The following HGSNAT variants were observed in gnomAD, a reference collection of about 807,000 sequenced individuals.
HGSNAT encodes transmembrane protein 76.
In HGSNAT, 59 loss-of-function variants were observed where a neutral mutation model predicts 85.2. The ratio of observed to expected loss-of-function variants is 0.69; its 90% CI spans 0.56 to 0.86. The LOEUF (loss-of-function observed/expected upper bound fraction) is 0.86, where lower values mean the gene tolerates loss of function less well. HGSNAT is among the 40% of genes least tolerant of loss of function. The pLI, the probability that HGSNAT is intolerant of heterozygous loss-of-function variation, is 0.00. For missense variants in HGSNAT, 756 were observed against 777.1 expected (o/e 0.97, Z 0.32); for synonymous variants, 321 against 304.5 (o/e 1.05, Z -0.56).
intron 5 of HGSNAT, chr8:43,168,135 G>A (rs1453064714): frequency 1.3e-5 from 2 of 159,546 alleles, no homozygotes; most frequent in Non-Finnish European, 2.8e-5. Flanking sequence ...TAGCCAGGAT[G>A]GTCTTGATCT....
intron 11 of HGSNAT, among the ~76,000 whole-genome samples, chr8:43,189,421 G>A (rs1804445789): frequency 6.6e-6 from 1 of 152,164 alleles, no homozygotes; most frequent in Admixed American, 6.5e-5. Flanking sequence ...TGTGGGCGTG[G>A]GACCCTCCGA....
In HGSNAT at chr8:43,171,466, T is replaced by C. The variant is rs1164128936; in HGVS notation, c.743+772T>C. On this transcript the variant is annotated intron_variant, in intron 7 of 17. Transcript: ENST00000379644. ...TAGTAATCCTATGAGATATATACTTTTAATGTGCCTGATTCACATTAAAAG... is the reference window on the plus strand; with the variant it reads ...TAGTAATCCTATGAGATATATACTTCTAATGTGCCTGATTCACATTAAAAG... 2.6e-5 allele frequency among the ~76,000 whole-genome samples: 4 copies of C among 152,346 alleles called. 1 individual carries two copies. The South Asian group carries it at 6.2e-4, about 24-fold the overall frequency.
intron 1 of HGSNAT, among the ~76,000 whole-genome samples, chr8:43,145,946 A>C (rs1242902324): frequency 2.0e-5 from 3 of 152,170 alleles, no homozygotes; most frequent in Non-Finnish European, 4.4e-5. Flanking sequence ...GGATAAATTA[A>C]CTTCTCTTTT....
At position 43,175,580 on chromosome 8, in the gene HGSNAT, T is replaced by C. The variant is rs893446721; in HGVS notation, c.851+1837T>C. ...CTCTTTTTTTTTTTTTTTTTTTTTT[T>C]TTCAAGATGAAGTCTTGCTCTGTAG... On this transcript the variant is annotated intron_variant, in intron 9 of 17. Coordinates refer to ENST00000379644, the MANE Select transcript of HGSNAT (RefSeq NM_152419.3). 4.1e-3 allele frequency among the ~76,000 whole-genome samples: 607 copies of C among 148,290 alleles called. 8 individuals carry two copies. The highest frequency in any genetic ancestry group is 0.014 in the African/African-American group (580 of 40,048).
intron 17 of HGSNAT, among the ~76,000 whole-genome samples, chr8:43,198,439 C>T (rs1422636653): frequency 1.3e-5 from 2 of 151,946 alleles, no homozygotes; most frequent in Non-Finnish European, 2.9e-5. Context: ...AGGCGCCCGC[C>T]ACCACGCCCA....
At position 43,147,059 on chromosome 8, in the gene HGSNAT, A is replaced by G; in HGVS notation, c.230A>G (p.Tyr77Cys). 6.3e-7 allele frequency: 1 copy of G among 1,575,098 alleles called. No individual in the cohort carries two copies. Among genetic ancestry groups the G allele is most frequent in the Non-Finnish European group, 8.7e-7 (1 of 1,151,842 alleles). ...LTVYWKSECCYHCLFQVLVNV... is the reference protein window; with the variant it reads ...LTVYWKSECCCHCLFQVLVNV... ...GTCTACTGGAAATCTGAATGCTGTTATCACGTATGTATCAGTTCACACTCA... is the reference window on the plus strand; with the variant it reads ...GTCTACTGGAAATCTGAATGCTGTTGTCACGTATGTATCAGTTCACACTCA... The change falls in exon 2 of 18, where the codon TAT becomes TGT. Residue 77 changes from tyrosine to cysteine, a missense_variant. Physicochemically the swap from Tyr to Cys is radical, Grantham distance 194. Transcript: ENST00000379644.
chr8:43,198,014 T>A, intron 17 of HGSNAT, 62 bp downstream of exon 17: 2 of 1,187,082 alleles, frequency 1.7e-6, no homozygotes, highest in Non-Finnish European at 2.5e-6. Flanking sequence ...CCCAGGGACC[T>A]CTGGAGCATC....
chr8:43,158,226 G>A (rs182652821), intron 2 of HGSNAT, among the ~76,000 whole-genome samples: 112 of 152,256 alleles, frequency 7.4e-4, no homozygotes, highest in African/African-American at 2.5e-3. Flanking sequence ...AGCCTCCCAA[G>A]TAGCTGGGAT....
chr8:43,181,884 T>C lies in HGSNAT; in HGVS notation c.1013-261T>C, dbSNP rs911567419. 9.0e-5 allele frequency: 44 copies of C among 487,466 alleles called. 1 individual carries two copies. Among genetic ancestry groups the C allele is most frequent in the Non-Finnish European group, 1.4e-4 (38 of 274,724 alleles). The allele number at this position is 487,466 out of a possible 1,614,324, so 30.2% of individuals were successfully genotyped here. ...AGACGCTTTGGTTCTTATCCCAGTC[T>C]CTCATCTGGCCAGCTTCCTGTTTTG... On this transcript the variant is annotated intron_variant, in intron 10 of 17. Coordinates refer to ENST00000379644, the MANE Select transcript of HGSNAT (RefSeq NM_152419.3).
intron 2 of HGSNAT, among the ~76,000 whole-genome samples, chr8:43,148,809 AAAG>A (rs1298998962): frequency 4.0e-5 from 6 of 151,224 alleles, no homozygotes. Flanking sequence ...AAAAAAAAAA[AAAG>A]AAAGAATTAA....
intron 14 of HGSNAT, chr8:43,196,546 C>T (rs746026944): frequency 4.0e-5 from 51 of 1,280,282 alleles, no homozygotes; most frequent in Middle Eastern, 2.1e-4. Flanking sequence ...CCCAGGTGCC[C>T]CTTCTCCTCC....
At chr8:43,142,641 A>T (rs1320128709) in intron 1 of HGSNAT, among the ~76,000 whole-genome samples, 1 of 152,162 alleles carries the variant, frequency 6.6e-6, no homozygotes, top group Non-Finnish European at 1.5e-5. Flanking sequence ...GTGGGAAATT[A>T]AAAAAATCAT....
chr8:43,189,300 C>G (rs952708342), intron 11 of HGSNAT, among the ~76,000 whole-genome samples: 2 of 152,198 alleles, frequency 1.3e-5, no homozygotes, highest in African/African-American at 2.4e-5. Flanking sequence ...AGCTCCCCAC[C>G]TGCTTTGTTT....
In HGSNAT at chr8:43,149,118, A is replaced by AAATAAAT. The variant is rs1563355416; in HGVS notation, c.234+2057_234+2058insTAAATAA. Among the ~76,000 whole-genome samples the AAATAAAT allele has an allele frequency of 1.8e-4, 26 of 146,682 alleles. No homozygotes were observed. In the South Asian group the frequency reaches 4.9e-3, roughly 28 times the overall value. Reference sequence around the variant, plus strand: ...GCATCAGAGCGAGACTCTGTCTCAAAAAATAAATAAATAAATAAATAAATA... The same window carrying AAATAAAT: ...GCATCAGAGCGAGACTCTGTCTCAAAAATAAATAAATAAATAAATAAATAAATAAATA... On this transcript the variant is annotated intron_variant, in intron 2 of 17. Transcript: ENST00000379644.
intron 2 of HGSNAT, among the ~76,000 whole-genome samples, chr8:43,153,483 G>A (rs745797500): frequency 2.6e-5 from 4 of 152,038 alleles, no homozygotes; most frequent in East Asian, 1.9e-4. Flanking sequence ...GTGAGCCACC[G>A]TGCCCAGCCA....
In HGSNAT at chr8:43,157,758, A is replaced by G. The variant is rs540133925; in HGVS notation, c.235-817A>G. Among the ~76,000 whole-genome samples, 6 of 152,302 alleles carry G rather than the reference A, an allele frequency of 3.9e-5. No homozygotes were observed. In the East Asian group the frequency reaches 1.2e-3, roughly 29 times the overall value. Reference sequence around the variant, plus strand: ...ATGCCACTGCACTCCAACCTGGGTGACAGAGTGAGACCCCATCTCAAAACA... The same window carrying G: ...ATGCCACTGCACTCCAACCTGGGTGGCAGAGTGAGACCCCATCTCAAAACA... On this transcript the variant is annotated intron_variant, in intron 2 of 17. Transcript: ENST00000379644.
At chr8:43,146,789 G>A (rs954989613) in intron 1 of HGSNAT, among the ~76,000 whole-genome samples, 159 bp from the exon 2 acceptor site, 9 of 151,864 alleles carry the variant, frequency 5.9e-5, no homozygotes, top group African/African-American at 1.2e-4. Flanking sequence ...ATATATCTGC[G>A]CATACACAAA....
At chr8:43,196,817 C>T in intron 14 of HGSNAT, 131 bp from the exon 15 acceptor site, 1 of 659,840 alleles carries the variant, frequency 1.5e-6, no homozygotes, top group Non-Finnish European at 2.7e-6. Flanking sequence ...TCCCGCCTCC[C>T]TGTAATCCCA....
At chr8:43,143,316 C>T (rs1802608176) in intron 1 of HGSNAT, among the ~76,000 whole-genome samples, 1 of 152,124 alleles carries the variant, frequency 6.6e-6, no homozygotes, top group South Asian at 2.1e-4. Context: ...ATTTTCTATC[C>T]ACCAGGCTAA....
Sources: gnomAD v4.1 joint callset for allele counts (sites outside exome capture counted in the v4.1 genomes callset) on GRCh38, gnomAD v4.1.1 for gene constraint, MANE v1.5 for transcripts, NCBI Gene and HGNC (gene_info 2026-07-23, HGNC 2026-07-21) for gene names.